Variants in SGCZ observed in about 807,000 individuals in gnomAD.
The protein encoded by SGCZ is zeta-sarcoglycan.
Under a neutral mutation model 41.3 loss-of-function variants are expected in SGCZ, and 40 were observed. The ratio of observed to expected loss-of-function variants is 0.97; its 90% CI spans 0.75 to 1.26. The LOEUF is 1.26. SGCZ is among the 50% of genes most tolerant of loss of function. The probability of loss-of-function intolerance (pLI) is 0.00; values close to 1 mark genes in which losing one functional copy is unlikely to be tolerated. For missense variants in SGCZ, 552 were observed against 369.8 expected, an observed-to-expected ratio of 1.49 and a Z score of -4.04; for synonymous variants, 206 against 137.5, an observed-to-expected ratio of 1.50 and a Z score of -3.49.
chr8:14,806,085 G>T (rs1245204221), intron 1 of SGCZ, among the ~76,000 whole-genome samples: 2 of 151,808 alleles, frequency 1.3e-5, no homozygotes, highest in African/African-American at 4.8e-5. Flanking sequence ...AAAGCAGTGT[G>T]TAGAGGGAAA....
chr8:14,834,123 G>A (rs1253269424), intron 1 of SGCZ, among the ~76,000 whole-genome samples: 1 of 151,890 alleles, frequency 6.6e-6, no homozygotes, highest in Non-Finnish European at 1.5e-5. Context: ...TTTTTTTCAT[G>A]ATCCGTGATT....
intron 1 of SGCZ, among the ~76,000 whole-genome samples, chr8:14,665,385 G>A (rs1317803202): frequency 6.6e-6 from 1 of 152,110 alleles, no homozygotes; most frequent in Non-Finnish European, 1.5e-5. Context: ...GTGTATACGT[G>A]CCACATCGTC....
intron 1 of SGCZ, among the ~76,000 whole-genome samples, chr8:15,039,462 T>G (rs1292261630): frequency 6.6e-6 from 1 of 152,092 alleles, no homozygotes; most frequent in East Asian, 1.9e-4. Context: ...TTACCAAAGT[T>G]TGGAGGATCA....
intron 1 of SGCZ, among the ~76,000 whole-genome samples, chr8:14,924,429 G>A (rs2061981): frequency 0.017 from 2,548 of 152,060 alleles, 110 homozygotes; most frequent in Admixed American, 0.096. Context: ...TCAACTATAA[G>A]GATATTACAG....
chr8:14,837,321 AC>A (rs1802734327), intron 1 of SGCZ, among the ~76,000 whole-genome samples: 1 of 152,250 alleles, frequency 6.6e-6, no homozygotes, highest in African/African-American at 2.4e-5. Flanking sequence ...AGAAAGGTGT[AC>A]CAGGCAAAGG....
intron 2 of SGCZ, among the ~76,000 whole-genome samples, chr8:14,409,364 A>G (rs1014877006): frequency 4.6e-5 from 7 of 152,146 alleles, no homozygotes; most frequent in African/African-American, 1.7e-4. Flanking sequence ...AAAAAACTTA[A>G]AAAATGTAGT....
chr8:14,233,950 C>T (rs1190853959), intron 4 of SGCZ, among the ~76,000 whole-genome samples: 1 of 151,874 alleles, frequency 6.6e-6, no homozygotes, highest in Admixed American at 6.6e-5. Context: ...AATCTCATTC[C>T]TCTCTTTCAG....
At chr8:15,131,975 T>C (rs751483285) in intron 1 of SGCZ, among the ~76,000 whole-genome samples, 1 of 152,250 alleles carries the variant, frequency 6.6e-6, no homozygotes, top group Non-Finnish European at 1.5e-5. Flanking sequence ...CTCTTATTTG[T>C]AACAGAGCTA....
intron 2 of SGCZ, among the ~76,000 whole-genome samples, chr8:14,403,619 T>C (rs892711717): frequency 2.0e-5 from 3 of 152,162 alleles, no homozygotes; most frequent in Non-Finnish European, 4.4e-5. Context: ...TGAACCAGCC[T>C]TGCATCAATC....
In SGCZ at chr8:14,200,656, T is replaced by C. The variant is rs183030841; in HGVS notation, c.425-35954A>G. On this transcript the variant is annotated intron_variant, in intron 4 of 7. Transcript: ENST00000382080. ...TTTTCCAACAAAACATGCTGGAATA[T>C]ATAGAAAAAATAAGTCAAAATAGAT... Among the ~76,000 whole-genome samples, 49 of 152,216 alleles carry C rather than the reference T, an allele frequency of 3.2e-4. 1 individual carries two copies. In the East Asian group the frequency reaches 9.3e-3, roughly 29 times the overall value.
chr8:14,726,201 T>A (rs1468698676), intron 1 of SGCZ, among the ~76,000 whole-genome samples: 1 of 149,064 alleles, frequency 6.7e-6, no homozygotes, highest in African/African-American at 2.5e-5. Flanking sequence ...AGGCAGAGGT[T>A]GCAGTGAGCA....
rs538565902 is a variant in SGCZ, at chr8:14,124,479, A to G, written c.548-16244T>C. Among the ~76,000 whole-genome samples the G allele has an allele frequency of 3.3e-5, 5 of 152,322 alleles. No individual in the cohort carries two copies. In the East Asian group the frequency reaches 9.7e-4, roughly 29 times the overall value. ...TTGAAGACAATGGTCAGCTTGATTA[A>G]TTAATATACAGTTGACTTAAAACTA... On this transcript the variant is annotated intron_variant, in intron 5 of 7. Transcript: ENST00000382080.
intron 1 of SGCZ, among the ~76,000 whole-genome samples, chr8:15,085,520 G>A (rs946567410): frequency 6.6e-6 from 1 of 152,148 alleles, no homozygotes; most frequent in Non-Finnish European, 1.5e-5. Context: ...TAAAACAGGA[G>A]GATGTGGGAT....
rs186692279 is a variant in SGCZ, at chr8:14,258,341, T to C, written c.337-20662A>G. Reference sequence around the variant, plus strand: ...TAAAGAGGGCAATGTATTAGTCCTCTGCACTCTGCAAACACATGCCCTGTA... The same window carrying C: ...TAAAGAGGGCAATGTATTAGTCCTCCGCACTCTGCAAACACATGCCCTGTA... On this transcript the variant is annotated intron_variant, in intron 3 of 7. Transcript: ENST00000382080. 2.7e-3 allele frequency among the ~76,000 whole-genome samples: 411 copies of C among 152,302 alleles called. 1 individual carries two copies. Among genetic ancestry groups the C allele is most frequent in the African/African-American group, 9.4e-3 (391 of 41,570 alleles).
chr8:14,213,099 C>T (rs926534182), intron 4 of SGCZ, among the ~76,000 whole-genome samples: 1 of 151,654 alleles, frequency 6.6e-6, no homozygotes, highest in African/African-American at 2.4e-5. Flanking sequence ...TTTGTGTAAT[C>T]AAAATTACAG....
intron 1 of SGCZ, among the ~76,000 whole-genome samples, chr8:14,823,809 A>G (rs1802195245): frequency 6.6e-6 from 1 of 152,186 alleles, no homozygotes; most frequent in Non-Finnish European, 1.5e-5. Context: ...CACCATAGAC[A>G]AGACGGATAA....
intron 2 of SGCZ, among the ~76,000 whole-genome samples, chr8:14,481,100 T>C (rs1051821964): frequency 1.3e-5 from 2 of 152,116 alleles, no homozygotes; most frequent in African/African-American, 4.8e-5. Context: ...ATATCCAGAA[T>C]ATATAAAGAA....
chr8:15,098,486 C>G (rs1417841315), intron 1 of SGCZ, among the ~76,000 whole-genome samples: 4 of 152,170 alleles, frequency 2.6e-5, no homozygotes, highest in Non-Finnish European at 4.4e-5. Context: ...TCTCCTAACT[C>G]TTTTGCTCCA....
At position 15,162,322 on chromosome 8, in the gene SGCZ, C is replaced by T. The variant is rs1365773349; in HGVS notation, c.39+75263G>A. 2.0e-5 allele frequency among the ~76,000 whole-genome samples: 3 copies of T among 152,242 alleles called. 1 individual carries two copies. In the South Asian group the frequency reaches 6.2e-4, roughly 32 times the overall value. ...AAAAAACGGCCAAAAGTTCTGTGGC[C>T]AGCACCTGTCCCACCTCTAACCCAA... On this transcript the variant is annotated intron_variant, in intron 1 of 7. Transcript: ENST00000382080.
Sources: allele counts gnomAD v4.1 joint callset (sites outside exome capture counted in the v4.1 genomes callset), GRCh38; gene constraint gnomAD v4.1.1; transcripts MANE v1.5; gene names NCBI Gene and HGNC (gene_info 2026-07-23, HGNC 2026-07-21).